Variants in SLC37A3 observed in about 807,000 individuals in gnomAD.
The protein encoded by SLC37A3 is sugar phosphate exchanger 3.
A neutral mutation model predicts 67.1 loss-of-function variants in SLC37A3; 51 were observed. The observed-to-expected ratio is 0.76, with a 90% CI of 0.61 to 0.96. The LOEUF is 0.96. Among genes scored for constraint, SLC37A3 ranks in the 40% least tolerant of loss-of-function variants. The probability of loss-of-function intolerance (pLI) is 0.00; values close to 1 mark genes in which losing one functional copy is unlikely to be tolerated. For missense variants in SLC37A3, 508 were observed against 603.0 expected (o/e 0.84, Z 1.65); for synonymous variants, 214 against 231.4 (o/e 0.92, Z 0.68).
At chr7:140,349,832 A>G (rs962160942) in intron 9 of SLC37A3, among the ~76,000 whole-genome samples, 25 of 152,352 alleles carry the variant, frequency 1.6e-4, no homozygotes, top group African/African-American at 6.0e-4. Flanking sequence ...TAGTCACGAC[A>G]AAGTTCTTTC....
At chr7:140,386,495 A>G (rs767029240) in intron 1 of SLC37A3, among the ~76,000 whole-genome samples, 1 of 125,096 alleles carries the variant, frequency 8.0e-6, no homozygotes, top group African/African-American at 2.8e-5. Flanking sequence ...CATGTATCCT[A>G]TCTATCACAG....
At chr7:140,396,418 A>T (rs1445779622) in intron 1 of SLC37A3, among the ~76,000 whole-genome samples, 1 of 152,168 alleles carries the variant, frequency 6.6e-6, no homozygotes, top group Non-Finnish European at 1.5e-5. Context: ...GTCTTCCTGT[A>T]ATTTTTATCT....
intron 10 of SLC37A3, among the ~76,000 whole-genome samples, chr7:140,346,532 C>T (rs575026800): frequency 1.3e-5 from 2 of 152,332 alleles, no homozygotes; most frequent in Non-Finnish European, 2.9e-5. Flanking sequence ...TCAAAGCCAT[C>T]GGCTATCCCT....
chr7:140,384,855 G>A (rs535300006), intron 1 of SLC37A3, among the ~76,000 whole-genome samples: 1 of 152,312 alleles, frequency 6.6e-6, no homozygotes, highest in African/African-American at 2.4e-5. Context: ...ACTCAAGAAA[G>A]AATCACAGGG....
At chr7:140,370,817 A>T (rs1797788466) in intron 3 of SLC37A3, among the ~76,000 whole-genome samples, 1 of 152,206 alleles carries the variant, frequency 6.6e-6, no homozygotes, top group South Asian at 2.1e-4. Flanking sequence ...TTATCCTTCT[A>T]GTCTGGTACT....
chr7:140,357,902 C>T (rs1010641751), intron 6 of SLC37A3, among the ~76,000 whole-genome samples: 1 of 133,550 alleles, frequency 7.5e-6, no homozygotes, highest in African/African-American at 2.9e-5. Context: ...AAGAGCAAAA[C>T]TCCATCTCAA....
intron 1 of SLC37A3, among the ~76,000 whole-genome samples, chr7:140,392,956 G>C (rs181458974): frequency 1.4e-3 from 208 of 152,240 alleles, no homozygotes; most frequent in African/African-American, 4.8e-3. Context: ...TCCAGAAGCA[G>C]TGGCATGCGC....
In SLC37A3 at chr7:140,396,891, TTTG is replaced by T. The variant is rs1284093338; in HGVS notation, c.-71+1522_-71+1524del. On this transcript the variant is annotated intron_variant, in intron 1 of 14. Coordinates refer to ENST00000326232, the MANE Select transcript of SLC37A3 (RefSeq NM_207113.3). ...CTGAATCTCAATTTCTGTTTTTTTT[TTTG>T]TTTTTTTTTTTTTGACAGAGTCTGA... is the stretch of plus-strand genomic sequence containing the variant. Among the ~76,000 whole-genome samples the T allele has an allele frequency of 3.2e-3, 245 of 77,264 alleles. 7 individuals are homozygous for T. Among genetic ancestry groups the T allele is most frequent in the Non-Finnish European group, 4.2e-3 (143 of 34,060 alleles). 50.7% of individuals were successfully genotyped at this position (77,264 alleles called of 152,430 possible).
chr7:140,360,732 T>TAA (rs10631882), intron 5 of SLC37A3, among the ~76,000 whole-genome samples: 7,290 of 137,226 alleles, frequency 0.053, 240 homozygotes, highest in African/African-American at 0.08. Context: ...AGACTCCGTT[T>TAA]AAAAAAAAAA....
chr7:140,385,610 G>A (rs202103610), intron 1 of SLC37A3, among the ~76,000 whole-genome samples: 10 of 152,116 alleles, frequency 6.6e-5, no homozygotes, highest in Non-Finnish European at 1.2e-4. Context: ...ATTGGCAATA[G>A]AGCTGCATAA....
intron 5 of SLC37A3, among the ~76,000 whole-genome samples, chr7:140,362,421 G>GA (rs1252844940): frequency 2.7e-5 from 1 of 37,346 alleles, no homozygotes; most frequent in African/African-American, 1.0e-4. Flanking sequence ...AGGGAGGTGG[G>GA]GGGGGGGGTC....
At chr7:140,343,203 T>C (rs2117033512) in intron 13 of SLC37A3, among the ~76,000 whole-genome samples, 2 of 152,262 alleles carry the variant, frequency 1.3e-5, no homozygotes, top group East Asian at 3.9e-4. Flanking sequence ...TCTAGAAGTA[T>C]AAGTAGAAAA....
rs188626549 is a variant in SLC37A3, at chr7:140,360,833, C to T, written c.376-2048G>A. ...GAAACTCACAGTCCTCACTGCCACCCGGGGAGAGCTAATATGCCCATCTCC... is the reference window on the plus strand; with the variant it reads ...GAAACTCACAGTCCTCACTGCCACCTGGGGAGAGCTAATATGCCCATCTCC... On this transcript the variant is annotated intron_variant, in intron 5 of 14. Transcript: ENST00000326232. Among the ~76,000 whole-genome samples, 498 of 152,122 alleles carry T rather than the reference C, an allele frequency of 3.3e-3. 14 individuals are homozygous for T. The South Asian group carries it at 0.05, about 15-fold the overall frequency.
At chr7:140,382,719 T>C in intron 1 of SLC37A3, 123 bp from the exon 2 acceptor site, 5 of 472,156 alleles carry the variant, frequency 1.1e-5, no homozygotes, top group Non-Finnish European at 1.9e-5. Context: ...TATGGCCTAG[T>C]TGACACCAGA....
At chr7:140,351,185 A>G in intron 9 of SLC37A3, 88 bp downstream of exon 9, 1 of 1,314,184 alleles carries the variant, frequency 7.6e-7, no homozygotes, top group Non-Finnish European at 1.0e-6. Context: ...ACAGAGGCTC[A>G]ATACTTAAGG....
chr7:140,377,840 G>A lies in SLC37A3; in HGVS notation c.198+2442C>T, dbSNP rs561627800. On this transcript the variant is annotated intron_variant, in intron 3 of 14. Transcript: ENST00000326232. ...GAGCCCAAGAGTTCAAGTACGGCCT[G>A]GGCAACATAGCAAGAGCCCCGTCTC... is the stretch of plus-strand genomic sequence containing the variant. 1.3e-4 allele frequency among the ~76,000 whole-genome samples: 20 copies of A among 152,136 alleles called. No individual in the cohort carries two copies. The South Asian group carries it at 3.1e-3, about 24-fold the overall frequency.
intron 6 of SLC37A3, among the ~76,000 whole-genome samples, chr7:140,357,120 A>G (rs530696184): frequency 9.2e-5 from 14 of 152,208 alleles, no homozygotes; most frequent in African/African-American, 3.4e-4. Flanking sequence ...AGGCTGAGGA[A>G]GGAGAATTGC....
intron 2 of SLC37A3, among the ~76,000 whole-genome samples, chr7:140,380,897 C>CTTT (rs56276405): frequency 6.4e-5 from 8 of 125,840 alleles, no homozygotes; most frequent in African/African-American, 1.2e-4. Context: ...TCTTCTTCTT[C>CTTT]TTTTTTTTTT....
intron 13 of SLC37A3, among the ~76,000 whole-genome samples, chr7:140,341,342 G>A (rs1341427431): frequency 6.6e-6 from 1 of 152,056 alleles, no homozygotes; most frequent in Non-Finnish European, 1.5e-5. Flanking sequence ...TAAGCATTGG[G>A]AATACAAAGA....
Sources: gnomAD v4.1 joint callset for allele counts (sites outside exome capture counted in the v4.1 genomes callset) on GRCh38, gnomAD v4.1.1 for gene constraint, MANE v1.5 for transcripts, NCBI Gene and HGNC (gene_info 2026-07-23, HGNC 2026-07-21) for gene names.